The following CFAP69 variants were observed in gnomAD, a reference collection of about 807,000 sequenced individuals.
CFAP69 encodes cilia and flagella associated protein 69.
In CFAP69, 92 loss-of-function variants were observed where a neutral mutation model predicts 123.0. That is an observed-to-expected ratio of 0.75 (90% CI 0.63 to 0.89). CFAP69 has a LOEUF of 0.89. CFAP69 is among the 40% of genes least tolerant of loss of function. The pLI is 0.00. For synonymous variants in CFAP69, 380 were observed against 364.3 expected (o/e 1.04, Z -0.49); for missense variants, 1,067 against 1,096.9 (o/e 0.97, Z 0.39).
chr7:90,277,118 G>T lies in CFAP69; in HGVS notation c.1030G>T (p.Glu344Ter). 1.3e-6 allele frequency: 2 copies of T among 1,579,094 alleles called. No homozygotes were observed. Among genetic ancestry groups the T allele is most frequent in the Non-Finnish European group, 1.7e-6 (2 of 1,161,676 alleles). Residue 344 changes from glutamate (E) to a stop codon, truncating the protein, a stop_gained, in exon 10 of 23, where the codon GAA becomes TAA. Coordinates refer to ENST00000389297, the MANE Select transcript of CFAP69 (RefSeq NM_001039706.3). LOFTEE classifies it high-confidence loss of function. The stretch of plus-strand genomic sequence containing the variant: ...TTTGATACTGTTTGCCACCTTTAAT[G>T]AAGGTAAAAAGAATAAAACTTTAAA... ...KDLILFATFN[E>*]VKSQNLLVKG...
intron 15 of CFAP69, among the ~76,000 whole-genome samples, chr7:90,293,044 A>G (rs747055342): frequency 1.2e-4 from 18 of 152,202 alleles, no homozygotes; most frequent in Non-Finnish European, 2.6e-4. Flanking sequence ...GCATACAACG[A>G]TTTTATGTAG....
At position 90,304,038 on chromosome 7, in the gene CFAP69, C is replaced by T. The variant is rs1340863346; in HGVS notation, c.2120C>T (p.Pro707Leu). Residue 707 changes from proline (P) to leucine (L), a missense_variant, in exon 18 of 23, where the codon CCA becomes CTA. Physicochemically the swap from Pro to Leu is moderately conservative, Grantham distance 98. Transcript: ENST00000389297. ...ATCATCCCACTGCCTGCTAACTGCC[C>T]ATCTATTGCGGTTATGGATGTTTCT... is the stretch of plus-strand genomic sequence containing the variant. Reference protein sequence around the residue: ...QKIIPLPANCPSIAVMDVSEN... With the variant: ...QKIIPLPANCLSIAVMDVSEN... 1.8e-5 allele frequency: 28 copies of T among 1,551,102 alleles called. No homozygotes were observed. In the East Asian group the frequency reaches 6.9e-4, roughly 38 times the overall value.
At chr7:90,269,587 T>C (rs188049025) in intron 6 of CFAP69, among the ~76,000 whole-genome samples, 2 of 152,256 alleles carry the variant, frequency 1.3e-5, no homozygotes, top group Non-Finnish European at 2.9e-5. Context: ...GCCAAGTTAA[T>C]GTGACACTTG....
chr7:90,250,414 T>C (rs930238449), intron 1 of CFAP69, among the ~76,000 whole-genome samples: 1 of 152,190 alleles, frequency 6.6e-6, no homozygotes, highest in Non-Finnish European at 1.5e-5. Context: ...CTTGGTAGAT[T>C]TGAAGACTAA....
chr7:90,322,497 A>G, the CFAP69 span: 13 of 152,316 alleles, frequency 8.5e-5, no homozygotes, highest in African/African-American at 2.6e-4. Flanking sequence ...AACCTTGGGC[A>G]CATGTCCCCA....
rs1188599142 is a variant in CFAP69, at chr7:90,245,283, C to A, written c.-142C>A. ...GTATGGCGGTGGCCTAGGCCCCTGGCGGAATTTTGGGACCTTTCGCGACTC... is the reference window on the plus strand; with the variant it reads ...GTATGGCGGTGGCCTAGGCCCCTGGAGGAATTTTGGGACCTTTCGCGACTC... On this transcript the variant is annotated 5_prime_UTR_variant, in exon 1 of 23. Transcript: ENST00000389297. 3.3e-6 allele frequency: 4 copies of A among 1,206,718 alleles called. No homozygotes were observed. Among genetic ancestry groups the A allele is most frequent in the African/African-American group, 3.2e-5 (2 of 62,024 alleles). The allele number at this position is 1,206,718 out of a possible 1,614,324, so 74.8% of individuals were successfully genotyped here.
At chr7:90,295,282 T>C (rs920382172) in intron 15 of CFAP69, among the ~76,000 whole-genome samples, 2 of 152,152 alleles carry the variant, frequency 1.3e-5, no homozygotes, top group Non-Finnish European at 2.9e-5. Flanking sequence ...CCTCCTAAAT[T>C]TGCCTTCAAA....
intron 18 of CFAP69, chr7:90,304,452 C>G (rs17863064): frequency 0.028 from 34,012 of 1,202,620 alleles, 579 homozygotes; most frequent in Non-Finnish European, 0.031. Flanking sequence ...AAAAGTTTAT[C>G]AAACACTCTT....
intron 6 of CFAP69, chr7:90,269,073 A>G (rs532777272): frequency 7.2e-6 from 1 of 138,132 alleles, no homozygotes; most frequent in Non-Finnish European, 1.6e-5. Context: ...GAAGTCAGTT[A>G]AAAAAAGACA....
At chr7:90,297,398 T>C (rs920185298) in intron 15 of CFAP69, among the ~76,000 whole-genome samples, 1 of 152,164 alleles carries the variant, frequency 6.6e-6, no homozygotes, top group African/African-American at 2.4e-5. Flanking sequence ...ATTTTATTTT[T>C]GGTTTACAGC....
At chr7:90,275,525 A>AGGGT (rs1788454943) in intron 9 of CFAP69, among the ~76,000 whole-genome samples, 1 of 144,738 alleles carries the variant, frequency 6.9e-6, no homozygotes, top group Non-Finnish European at 1.5e-5. Flanking sequence ...CTAAGACCAC[A>AGGGT]GGGTTACTCT....
chr7:90,251,377 G>A (rs1417102781), intron 1 of CFAP69, among the ~76,000 whole-genome samples: 1 of 152,184 alleles, frequency 6.6e-6, no homozygotes. Flanking sequence ...AAGCATATTT[G>A]GCTTTCTCTG....
chr7:90,246,434 A>G (rs534366541), intron 1 of CFAP69, among the ~76,000 whole-genome samples: 1 of 152,254 alleles, frequency 6.6e-6, no homozygotes, highest in South Asian at 2.1e-4. Flanking sequence ...TGCGTCAGGA[A>G]CCCTGTCTCT....
intron 4 of CFAP69, 98 bp from the exon 5 acceptor site, chr7:90,265,203 T>C (rs1035209161): frequency 1.5e-6 from 1 of 678,702 alleles, no homozygotes; most frequent in Non-Finnish European, 2.5e-6. Context: ...TTATTATTAA[T>C]TTATTCTTTA....
downstream of CFAP69, among the ~76,000 whole-genome samples, chr7:90,315,760 T>A (rs775558469): frequency 1.3e-5 from 2 of 152,006 alleles, no homozygotes; most frequent in African/African-American, 2.4e-5. Context: ...AAAACAAAAG[T>A]TTAAAAAATA....
At position 90,271,907 on chromosome 7, in the gene CFAP69, A is replaced by C. The variant is rs1354480574; in HGVS notation, c.809A>C (p.Lys270Thr). ...SSEILWNLLE[K>T]SSKEEVIQQL... The stretch of plus-strand genomic sequence containing the variant: ...GAAATACTTTGGAACTTGCTGGAAA[A>C]ATCTTCAAAAGAAGAAGTCATACAA... Residue 270 changes from lysine to threonine, a missense_variant, in exon 8 of 23, where the codon AAA (lysine) becomes ACA (threonine). Physicochemically the swap from Lys to Thr is moderately conservative, Grantham distance 78 (BLOSUM62 -1). Transcript: ENST00000389297. 1 of 1,613,056 alleles carries C rather than the reference A, an allele frequency of 6.2e-7. No homozygotes were observed. The highest frequency in any genetic ancestry group is 8.5e-7 in the Non-Finnish European group (1 of 1,179,474).
At chr7:90,283,714 C>A (rs1789830863) in intron 13 of CFAP69, among the ~76,000 whole-genome samples, 2 of 152,028 alleles carry the variant, frequency 1.3e-5, no homozygotes, top group Non-Finnish European at 2.9e-5. Context: ...TTCTCTAGAT[C>A]CTTGACTTTG....
At chr7:90,283,494 A>G (rs1789794019) in intron 13 of CFAP69, among the ~76,000 whole-genome samples, 1 of 152,208 alleles carries the variant, frequency 6.6e-6, no homozygotes, top group Non-Finnish European at 1.5e-5. Context: ...GAAATATCAG[A>G]ATATCCTTGA....
At chr7:90,301,428 G>T (rs893058199) in intron 17 of CFAP69, 4 of 152,010 alleles carry the variant, frequency 2.6e-5, no homozygotes, top group African/African-American at 7.3e-5. Context: ...TTGTCACCCA[G>T]GTACTAAGCC....
Sources: gnomAD v4.1 joint callset for allele counts (sites outside exome capture counted in the v4.1 genomes callset) on GRCh38, gnomAD v4.1.1 for gene constraint, MANE v1.5 for transcripts, NCBI Gene and HGNC (gene_info 2026-07-23, HGNC 2026-07-21) for gene names.